ROBO1: variants seen among roughly 807,000 people sequenced by gnomAD.
ROBO1 encodes the protein roundabout homolog 1.
ROBO1 carries 149 observed loss-of-function variants against 195.9 expected under a neutral mutation model. That is an observed-to-expected ratio of 0.76 (90% CI 0.67 to 0.87). The LOEUF (loss-of-function observed/expected upper bound fraction) is 0.87, where lower values mean the gene tolerates loss of function less well. Among genes scored for constraint, ROBO1 ranks in the 40% least tolerant of loss-of-function variants. The pLI, the probability that ROBO1 is intolerant of heterozygous loss-of-function variation, is 0.00. For synonymous variants in ROBO1, 816 were observed against 733.2 expected, an observed-to-expected ratio of 1.11 and a Z score of -1.82; for missense variants, 1,933 against 2,068.3, an observed-to-expected ratio of 0.93 and a Z score of 1.27.
chr3:79,237,391 G>C (rs1215486716), intron 2 of ROBO1, among the ~76,000 whole-genome samples: 1 of 151,796 alleles, frequency 6.6e-6, no homozygotes, highest in Non-Finnish European at 1.5e-5. Context: ...TGAGGCAGGA[G>C]AATGGCGGGA....
chr3:78,960,827 CACACACAA>C (rs1257553364), intron 3 of ROBO1, among the ~76,000 whole-genome samples: 2 of 130,636 alleles, frequency 1.5e-5, no homozygotes, highest in East Asian at 4.6e-4. Context: ...CACACACACA[CACACACAA>C]AATGAAAATG....
chr3:79,689,060 C>T (rs902053069), intron 1 of ROBO1, among the ~76,000 whole-genome samples: 4 of 151,850 alleles, frequency 2.6e-5, no homozygotes, highest in African/African-American at 9.7e-5. Flanking sequence ...ATATCTTTAA[C>T]TTACTGAACA....
chr3:79,173,412 C>A (rs984026577), intron 2 of ROBO1, among the ~76,000 whole-genome samples: 4 of 151,634 alleles, frequency 2.6e-5, no homozygotes, highest in Non-Finnish European at 4.4e-5. Context: ...GGTGTGGGCT[C>A]GGCGGGCCCG....
chr3:78,836,320 G>A (rs1213494277), intron 4 of ROBO1, among the ~76,000 whole-genome samples: 2 of 151,900 alleles, frequency 1.3e-5, no homozygotes, highest in Non-Finnish European at 2.9e-5. Flanking sequence ...AGACCATCCT[G>A]GCTAACACGG....
chr3:79,252,340 C>A (rs1260865972), intron 2 of ROBO1, among the ~76,000 whole-genome samples: 1 of 152,034 alleles, frequency 6.6e-6, no homozygotes, highest in African/African-American at 2.4e-5. Flanking sequence ...GTGTCCTTAT[C>A]TGGTGTCCTT....
At chr3:78,842,066 C>A (rs2033243356) in intron 4 of ROBO1, among the ~76,000 whole-genome samples, 1 of 150,414 alleles carries the variant, frequency 6.6e-6, no homozygotes, top group Non-Finnish European at 1.5e-5. Context: ...GCAACAAAAG[C>A]ACAAAATGCC....
intron 1 of ROBO1, among the ~76,000 whole-genome samples, chr3:79,595,375 T>C (rs1944133449): frequency 6.6e-6 from 1 of 152,118 alleles, no homozygotes; most frequent in Non-Finnish European, 1.5e-5. Flanking sequence ...GAATTTCGTA[T>C]TACATAAGAG....
chr3:79,509,330 C>T (rs1209328129), intron 2 of ROBO1, among the ~76,000 whole-genome samples: 1 of 151,820 alleles, frequency 6.6e-6, no homozygotes, highest in African/African-American at 2.4e-5. Context: ...AGTTTAAACA[C>T]CTCTCTTTTT....
At chr3:78,972,352 A>G (rs1321155041) in intron 3 of ROBO1, among the ~76,000 whole-genome samples, 1 of 152,224 alleles carries the variant, frequency 6.6e-6, no homozygotes, top group East Asian at 1.9e-4. Context: ...TATAATCATA[A>G]CATCATACCT....
At chr3:79,141,567 GT>G (rs11315738) in intron 2 of ROBO1, among the ~76,000 whole-genome samples, 92,090 of 139,274 alleles carry the variant, frequency 0.66, 30,094 homozygotes, top group East Asian at 0.75. Context: ...TGCTGTTGTT[GT>G]TTTTTTTTTT....
intron 2 of ROBO1, among the ~76,000 whole-genome samples, chr3:79,518,479 C>T (rs7614913): frequency 0.73 from 110,715 of 151,960 alleles, 41,451 homozygotes; most frequent in African/African-American, 0.92. Flanking sequence ...TTGCTACTTC[C>T]TAAAAGGTCT....
Position 79,002,976 on chromosome 3 carries a change from A to G in ROBO1, c.173-64049T>C, listed in dbSNP as rs755330770. On this transcript the variant is annotated intron_variant, in intron 3 of 30. Coordinates refer to ENST00000464233, the MANE Select transcript of ROBO1 (RefSeq NM_002941.4). ...TCCACATGAAAACCTCGATTCCCCA[A>G]TGCTAAAGAGCTGAGCTCCAAGTAA... 8.5e-5 allele frequency among the ~76,000 whole-genome samples: 13 copies of G among 152,206 alleles called. No individual in the cohort carries two copies. The East Asian group carries it at 9.7e-4, about 11-fold the overall frequency.
At chr3:79,023,028 A>G (rs1390022189) in intron 3 of ROBO1, among the ~76,000 whole-genome samples, 9 of 152,182 alleles carry the variant, frequency 5.9e-5, no homozygotes, top group African/African-American at 2.2e-4. Flanking sequence ...GATGAGTAGG[A>G]GTGAAATAGA....
chr3:79,572,671 T>C (rs1381150476), intron 2 of ROBO1, among the ~76,000 whole-genome samples: 2 of 152,142 alleles, frequency 1.3e-5, no homozygotes, highest in Non-Finnish European at 2.9e-5. Context: ...TATGAAACCA[T>C]TTGTCAAGTT....
chr3:79,085,280 G>A (rs1160893053), intron 3 of ROBO1, among the ~76,000 whole-genome samples: 1 of 152,246 alleles, frequency 6.6e-6, no homozygotes, highest in East Asian at 1.9e-4. Context: ...TTTAATTTTA[G>A]TTATTCTGGA....
chr3:78,651,885 C>T lies in ROBO1; in HGVS notation c.2659G>A (p.Ala887Thr), dbSNP rs760735885. The change falls in exon 19 of 31, where the codon GCT becomes ACT. Residue 887 changes from alanine (A) to threonine (T), a missense_variant. By Grantham distance (58) the Ala-to-Thr change is moderately conservative (BLOSUM62 0). Coordinates refer to ENST00000464233, the MANE Select transcript of ROBO1 (RefSeq NM_002941.4). ...PVSPEDQVSL[A>T]QQISDVVKQP... ...TTCACCACATCTGAAATCTGCTGAG[C>T]GAGGCTGACTTGGTCCTCAGGTGAC... The T allele has an allele frequency of 1.4e-5, 22 of 1,613,534 alleles. No homozygotes were observed. Among genetic ancestry groups the T allele is most frequent in the Admixed American group, 1.7e-5 (1 of 59,966 alleles).
At chr3:79,240,763 C>T (rs1470235405) in intron 2 of ROBO1, among the ~76,000 whole-genome samples, 1 of 152,136 alleles carries the variant, frequency 6.6e-6, no homozygotes, top group African/African-American at 2.4e-5. Context: ...CCTCCAACCT[C>T]AGCCTCAGCC....
intron 2 of ROBO1, among the ~76,000 whole-genome samples, chr3:79,220,703 A>C (rs2082122595): frequency 6.6e-6 from 1 of 152,036 alleles, no homozygotes; most frequent in Admixed American, 6.6e-5. Context: ...AAAAAGAGAA[A>C]GAATCCCTTA....
intron 19 of ROBO1, among the ~76,000 whole-genome samples, chr3:78,650,297 G>C (rs1212093994): frequency 6.6e-6 from 1 of 151,966 alleles, no homozygotes; most frequent in Non-Finnish European, 1.5e-5. Flanking sequence ...TTTCACAGGC[G>C]GGAATATTGA....
Sources: allele counts gnomAD v4.1 joint callset (sites outside exome capture counted in the v4.1 genomes callset), GRCh38; gene constraint gnomAD v4.1.1; transcripts MANE v1.5; gene names NCBI Gene and HGNC (gene_info 2026-07-23, HGNC 2026-07-21).